Variants in WDR70 observed in about 807,000 individuals in gnomAD.
WDR70 encodes WD repeat-containing protein 70.
A neutral mutation model predicts 88.6 loss-of-function variants in WDR70; 53 were observed. The ratio of observed to expected loss-of-function variants is 0.60; its 90% CI spans 0.48 to 0.75. The LOEUF is 0.75. WDR70 is among the 30% of genes least tolerant of loss of function. The probability of loss-of-function intolerance (pLI) is 0.00; values close to 1 mark genes in which losing one functional copy is unlikely to be tolerated. For synonymous variants in WDR70, 280 were observed against 270.0 expected (o/e 1.04, Z -0.36); for missense variants, 610 against 823.2 (o/e 0.74, Z 3.17).
intron 5 of WDR70, among the ~76,000 whole-genome samples, chr5:37,402,309 G>GTGTC (rs1749221361): frequency 6.6e-6 from 1 of 151,696 alleles, no homozygotes; most frequent in South Asian, 2.1e-4. Context: ...GTGTGTGTGT[G>GTGTC]TGTGTGTGTG....
At chr5:37,510,765 T>C (rs1740699794) in intron 8 of WDR70, among the ~76,000 whole-genome samples, 1 of 152,242 alleles carries the variant, frequency 6.6e-6, no homozygotes, top group African/African-American at 2.4e-5. Context: ...TCTCCTTTAA[T>C]TGGGAATGGC....
intron 2 of WDR70, 142 bp downstream of exon 2, chr5:37,379,696 A>G (rs541607556): frequency 1.2e-4 from 108 of 905,102 alleles, no homozygotes; most frequent in Admixed American, 3.5e-4. Flanking sequence ...TTCTTCTCCC[A>G]TTTGTCTTCT....
intron 9 of WDR70, among the ~76,000 whole-genome samples, chr5:37,578,293 T>C (rs1225120417): frequency 6.6e-6 from 1 of 151,536 alleles, no homozygotes; most frequent in Non-Finnish European, 1.5e-5. Context: ...ATGAGTTGAA[T>C]AACCATAAAT....
intron 3 of WDR70, among the ~76,000 whole-genome samples, chr5:37,389,690 G>C (rs1444815852): frequency 6.6e-6 from 1 of 152,120 alleles, no homozygotes; most frequent in East Asian, 1.9e-4. Context: ...GGGATTACAG[G>C]CGTGAGCCAC....
At chr5:37,575,689 G>A (rs764302096) in intron 9 of WDR70, among the ~76,000 whole-genome samples, 4 of 152,142 alleles carry the variant, frequency 2.6e-5, no homozygotes, top group African/African-American at 9.7e-5. Flanking sequence ...TCTTCAATCC[G>A]AGTGTTCATC....
intron 9 of WDR70, among the ~76,000 whole-genome samples, chr5:37,533,554 C>A (rs1490968657): frequency 6.7e-6 from 1 of 148,434 alleles, no homozygotes; most frequent in Non-Finnish European, 1.5e-5. Flanking sequence ...GTGGGCGGGG[C>A]CATAGAGCTT....
chr5:37,717,371 C>T (rs2112688740), intron 13 of WDR70, among the ~76,000 whole-genome samples: 1 of 152,312 alleles, frequency 6.6e-6, no homozygotes, highest in South Asian at 2.1e-4. Context: ...AATGTGAGGG[C>T]TTTCTCTTTG....
chr5:37,410,191 T>G (rs1054694230), intron 5 of WDR70, among the ~76,000 whole-genome samples: 20 of 147,878 alleles, frequency 1.4e-4, no homozygotes, highest in African/African-American at 4.4e-4. Context: ...TGGAGTTTGT[T>G]AGTTTTTTTT....
chr5:37,411,393 TC>T (rs113502229), intron 5 of WDR70, among the ~76,000 whole-genome samples: 14,559 of 152,266 alleles, frequency 0.096, 2,281 homozygotes, highest in African/African-American at 0.33. Flanking sequence ...TCTCTATAGT[TC>T]CTTGTGCCCC....
intron 8 of WDR70, among the ~76,000 whole-genome samples, chr5:37,490,598 G>A (rs968834047): frequency 6.6e-6 from 1 of 151,948 alleles, no homozygotes; most frequent in Non-Finnish European, 1.5e-5. Context: ...CCCCAGGCAG[G>A]TGATTCTTAG....
intron 8 of WDR70, among the ~76,000 whole-genome samples, chr5:37,484,360 C>A (rs1739787143): frequency 6.6e-6 from 1 of 152,226 alleles, no homozygotes; most frequent in Admixed American, 6.5e-5. Context: ...GGAGACCAGC[C>A]TGGCCAACAC....
intron 7 of WDR70, among the ~76,000 whole-genome samples, chr5:37,452,500 A>G (rs185532760): frequency 6.6e-6 from 1 of 152,306 alleles, no homozygotes; most frequent in East Asian, 1.9e-4. Flanking sequence ...TCTTGACCTC[A>G]AGTGATCTGC....
intron 10 of WDR70, among the ~76,000 whole-genome samples, chr5:37,683,400 A>G (rs1451948371): frequency 6.6e-6 from 1 of 152,192 alleles, no homozygotes; most frequent in Non-Finnish European, 1.5e-5. Context: ...TTAGCTGGCC[A>G]TTATGCAGAC....
Position 37,479,829 on chromosome 5 carries a change from T to C in WDR70, c.687-5T>C. On this transcript the variant is annotated splice_region_variant and splice_polypyrimidine_tract_variant and intron_variant, in intron 7 of 17. Coordinates refer to ENST00000265107, the MANE Select transcript of WDR70 (RefSeq NM_018034.4). ...CTTACCAACTTTCCTTTTCTTTTCGTACAGCCATCAGATCAAGTCATTACA... is the reference window on the plus strand; with the variant it reads ...CTTACCAACTTTCCTTTTCTTTTCGCACAGCCATCAGATCAAGTCATTACA... 2 of 1,605,024 alleles carry C rather than the reference T, an allele frequency of 1.2e-6. No individual in the cohort carries two copies. The highest frequency in any genetic ancestry group is 2.2e-5 in the East Asian group (1 of 44,780).
chr5:37,612,201 A>G (rs1744210580), intron 10 of WDR70, among the ~76,000 whole-genome samples: 1 of 152,138 alleles, frequency 6.6e-6, no homozygotes, highest in African/African-American at 2.4e-5. Context: ...GAGAAAAAAG[A>G]TCATCTGTGT....
chr5:37,463,331 T>C (rs550864833), intron 7 of WDR70, among the ~76,000 whole-genome samples: 1 of 151,716 alleles, frequency 6.6e-6, no homozygotes, highest in East Asian at 1.9e-4. Flanking sequence ...ATCACGCAGC[T>C]AGTTAGCAGC....
chr5:37,473,574 G>T (rs1253537380), intron 7 of WDR70, among the ~76,000 whole-genome samples: 1 of 152,006 alleles, frequency 6.6e-6, no homozygotes, highest in African/African-American at 2.4e-5. Flanking sequence ...GAGCTCCTGA[G>T]CTCAGGTGAT....
In WDR70 at chr5:37,605,171, G is replaced by A. The variant is rs1321219279; in HGVS notation, c.1025G>A (p.Arg342Lys). The change falls in exon 10 of 18, where the codon AGA becomes AAA. Residue 342 changes from arginine (R) to lysine (K), a missense_variant. Around this residue, in one of 4 missense-constraint regions of WDR70, gnomAD observed 254 missense variants for 300.7 expected, o/e 0.84. Coordinates refer to ENST00000265107, the MANE Select transcript of WDR70 (RefSeq NM_018034.4). ...KVIPTTCTYSRDGNLIAAACQ... is the reference protein window; with the variant it reads ...KVIPTTCTYSKDGNLIAAACQ... Reference sequence around the variant, plus strand: ...ATTCCCACTACGTGCACATATAGTAGAGATGGAAACCTCATAGCAGCTGCC... The same window carrying A: ...ATTCCCACTACGTGCACATATAGTAAAGATGGAAACCTCATAGCAGCTGCC... The A allele has an allele frequency of 6.2e-7, 1 of 1,613,256 alleles. No homozygotes were observed. The highest frequency in any genetic ancestry group is 1.3e-5 in the African/African-American group (1 of 75,000).
chr5:37,697,762 A>T lies in WDR70; in HGVS notation c.1192+8A>T. The T allele has an allele frequency of 6.2e-7, 1 of 1,603,368 alleles. No individual in the cohort carries two copies. Among genetic ancestry groups the T allele is most frequent in the Non-Finnish European group, 8.5e-7 (1 of 1,170,556 alleles). On this transcript the variant is annotated splice_region_variant and intron_variant, in intron 11 of 17. Transcript: ENST00000265107. Reference sequence around the variant, plus strand: ...TCCTTGCCTCTCGTGGAGGTAGGTTAAAAGCTTTCTTTTTGATGTATTTCT... The same window carrying T: ...TCCTTGCCTCTCGTGGAGGTAGGTTTAAAGCTTTCTTTTTGATGTATTTCT...
Sources: gnomAD v4.1 joint callset for allele counts (sites outside exome capture counted in the v4.1 genomes callset) on GRCh38, gnomAD v4.1.1 for gene constraint, gnomAD v4.1.1 regional missense constraint, MANE v1.5 for transcripts, NCBI Gene and HGNC (gene_info 2026-07-23, HGNC 2026-07-21) for gene names.